SORCS1: variants seen among roughly 807,000 people sequenced by gnomAD.
The protein encoded by SORCS1 is sortilin related VPS10 domain containing receptor 1, also known as VPS10 domain-containing receptor SorCS1.
Under a neutral mutation model 146.1 loss-of-function variants are expected in SORCS1, and 60 were observed. The observed-to-expected ratio is 0.41, with a 90% CI of 0.33 to 0.51. The LOEUF is 0.51. Among genes scored for constraint, SORCS1 ranks in the 20% least tolerant of loss-of-function variants. The pLI is 0.21. For missense variants in SORCS1, 1,352 were observed against 1,487.6 expected (o/e 0.91, Z 1.50); for synonymous variants, 637 against 584.0 (o/e 1.09, Z -1.31).
chr10:106,577,396 G>T lies in SORCS1; in HGVS notation c.*24C>A. ...GAAATTCTTTCCTGATCAGCAGGTC[G>T]CCTGTAGCCTTTGGGGGTTTTCCTT... is the stretch of plus-strand genomic sequence containing the variant. On this transcript the variant is annotated 3_prime_UTR_variant, in exon 26 of 26. Transcript: ENST00000263054. The T allele has an allele frequency of 1.2e-6, 2 of 1,613,664 alleles. No homozygotes were observed. The highest frequency in any genetic ancestry group is 1.7e-6 in the Non-Finnish European group (2 of 1,179,680).
At chr10:106,890,029 G>C (rs966374082) in intron 2 of SORCS1, among the ~76,000 whole-genome samples, 6 of 151,876 alleles carry the variant, frequency 4.0e-5, no homozygotes, top group South Asian at 4.2e-4. Flanking sequence ...AACAACCTAA[G>C]GGTAAATTAT....
chr10:106,806,824 C>G (rs1264306881), intron 3 of SORCS1, among the ~76,000 whole-genome samples: 5 of 151,950 alleles, frequency 3.3e-5, no homozygotes, highest in African/African-American at 9.7e-5. Context: ...GGAGAGGAAG[C>G]CTTTCAAATA....
intron 5 of SORCS1, among the ~76,000 whole-genome samples, chr10:106,760,351 G>A (rs917608584): frequency 6.7e-6 from 1 of 149,964 alleles, no homozygotes; most frequent in African/African-American, 2.5e-5. Context: ...GGCTGAGGCA[G>A]GAGAATGGCG....
chr10:107,030,031 G>T (rs1033223934), intron 1 of SORCS1, among the ~76,000 whole-genome samples: 1 of 152,098 alleles, frequency 6.6e-6, no homozygotes, highest in African/African-American at 2.4e-5. Context: ...GCAGCAAGCA[G>T]TGCCATGTCG....
At chr10:106,904,610 G>A (rs1007266623) in intron 2 of SORCS1, among the ~76,000 whole-genome samples, 8 of 152,220 alleles carry the variant, frequency 5.3e-5, no homozygotes, top group Admixed American at 1.3e-4. Flanking sequence ...TTGGACAAAC[G>A]CACAAAGTCA....
At chr10:106,613,531 G>T (rs1472768903) in intron 21 of SORCS1, among the ~76,000 whole-genome samples, 1 of 152,160 alleles carries the variant, frequency 6.6e-6, no homozygotes, top group East Asian at 1.9e-4. Context: ...CTGGAAGGTG[G>T]AGCCCTAGCC....
chr10:106,867,988 G>A (rs1275182273), intron 2 of SORCS1, among the ~76,000 whole-genome samples: 4 of 152,036 alleles, frequency 2.6e-5, no homozygotes, highest in African/African-American at 9.7e-5. Context: ...GACACCTATA[G>A]GCTCAAAATA....
chr10:106,626,947 A>T (rs1405438955), intron 19 of SORCS1, among the ~76,000 whole-genome samples: 1 of 152,236 alleles, frequency 6.6e-6, no homozygotes, highest in Non-Finnish European at 1.5e-5. Context: ...AACACGAAAC[A>T]TTCCATTACA....
At chr10:106,930,332 T>G (rs1455485559) in intron 2 of SORCS1, among the ~76,000 whole-genome samples, 1 of 151,938 alleles carries the variant, frequency 6.6e-6, no homozygotes, top group Non-Finnish European at 1.5e-5. Context: ...TAAGACAGAT[T>G]GGTTACAAAA....
chr10:106,578,473 C>T (rs935074648), intron 25 of SORCS1: 1 of 173,888 alleles, frequency 5.8e-6, no homozygotes, highest in Non-Finnish European at 1.1e-5. Flanking sequence ...TCTCAGGATG[C>T]TCTACTGCCT....
intron 20 of SORCS1, among the ~76,000 whole-genome samples, chr10:106,619,950 C>T (rs781574898): frequency 2.0e-5 from 3 of 152,110 alleles, no homozygotes; most frequent in Non-Finnish European, 4.4e-5. Context: ...CTATTGCTTG[C>T]GCCTGTCCAG....
At chr10:107,025,941 C>G (rs1296702608) in intron 1 of SORCS1, among the ~76,000 whole-genome samples, 1 of 152,184 alleles carries the variant, frequency 6.6e-6, no homozygotes, top group African/African-American at 2.4e-5. Context: ...AGAAGGTCAA[C>G]TGAATGTCAG....
At chr10:106,987,136 C>T (rs1426268531) in intron 1 of SORCS1, among the ~76,000 whole-genome samples, 1 of 152,164 alleles carries the variant, frequency 6.6e-6, no homozygotes, top group Non-Finnish European at 1.5e-5. Flanking sequence ...TGGCTGATAA[C>T]CTGGAACATG....
At chr10:106,734,176 C>G (rs1306195400) in intron 5 of SORCS1, among the ~76,000 whole-genome samples, 1 of 152,122 alleles carries the variant, frequency 6.6e-6, no homozygotes, top group African/African-American at 2.4e-5. Context: ...TACCTTTACA[C>G]TGCCTTTATG....
chr10:106,932,960 T>G lies in SORCS1; in HGVS notation c.626+23553A>C, dbSNP rs561138179. 6.6e-5 allele frequency among the ~76,000 whole-genome samples: 10 copies of G among 152,336 alleles called. No homozygotes were observed. The South Asian group carries it at 1.9e-3, about 28-fold the overall frequency. Reference sequence around the variant, plus strand: ...GCATATCAGTGATCTCTGTCAACATTAATTTTCCCCATCCTAATTTGTATT... The same window carrying G: ...GCATATCAGTGATCTCTGTCAACATGAATTTTCCCCATCCTAATTTGTATT... On this transcript the variant is annotated intron_variant, in intron 2 of 25. Transcript: ENST00000263054.
At chr10:106,984,103 C>G (rs905391020) in intron 1 of SORCS1, among the ~76,000 whole-genome samples, 1 of 152,044 alleles carries the variant, frequency 6.6e-6, no homozygotes, top group African/African-American at 2.4e-5. Flanking sequence ...GGACTTGAAC[C>G]ACATATTTTA....
At chr10:106,634,345 G>A (rs1848609594) in intron 18 of SORCS1, among the ~76,000 whole-genome samples, 1 of 152,186 alleles carries the variant, frequency 6.6e-6, no homozygotes, top group African/African-American at 2.4e-5. Context: ...TCTATTGTGT[G>A]TTTGTCAAAA....
intron 1 of SORCS1, among the ~76,000 whole-genome samples, chr10:107,017,106 A>C (rs1957930219): frequency 6.6e-6 from 1 of 152,238 alleles, no homozygotes; most frequent in Admixed American, 6.5e-5. Flanking sequence ...TTGAGAGTTA[A>C]CATTAAGCCA....
At chr10:106,612,661 G>C (rs2133427266) in intron 21 of SORCS1, among the ~76,000 whole-genome samples, 1 of 152,146 alleles carries the variant, frequency 6.6e-6, no homozygotes, top group Middle Eastern at 3.4e-3. Flanking sequence ...GCCATGTTTG[G>C]TTGGACCCAG....
Sources: gnomAD v4.1 joint callset for allele counts (sites outside exome capture counted in the v4.1 genomes callset) on GRCh38, gnomAD v4.1.1 for gene constraint, MANE v1.5 for transcripts, NCBI Gene and HGNC (gene_info 2026-07-23, HGNC 2026-07-21) for gene names.